PACRG: variants seen among roughly 807,000 people sequenced by gnomAD.
The protein encoded by PACRG is parkin coregulated.
PACRG carries 29 observed loss-of-function variants against 29.7 expected under a neutral mutation model. The observed-to-expected ratio is 0.98, with a 90% CI of 0.73 to 1.33. The LOEUF (loss-of-function observed/expected upper bound fraction) is 1.33. PACRG is among the 40% of genes most tolerant of loss of function. The pLI is 0.00. For missense variants in PACRG, 279 were observed against 316.2 expected (o/e 0.88, Z 0.89); for synonymous variants, 116 against 118.7 (o/e 0.98, Z 0.15).
intron 4 of PACRG, 149 bp from the exon 5 acceptor site, chr6:163,314,678 C>T: frequency 2.6e-6 from 2 of 782,866 alleles, no homozygotes; most frequent in Non-Finnish European, 1.9e-6. Flanking sequence ...GTACAGTTGC[C>T]ACTGCTTTTA....
intron 4 of PACRG, among the ~76,000 whole-genome samples, chr6:163,267,167 G>A (rs562709163): frequency 1.3e-4 from 20 of 152,278 alleles, no homozygotes; most frequent in Admixed American, 7.8e-4. Flanking sequence ...TCTGCCACTC[G>A]TTGGTGCTGG....
chr6:162,823,542 T>A (rs1430632900), intron 2 of PACRG, among the ~76,000 whole-genome samples: 1 of 151,398 alleles, frequency 6.6e-6, no homozygotes, highest in Non-Finnish European at 1.5e-5. Context: ...GACAGAGTCT[T>A]GCTCTGTTGC....
At chr6:162,949,173 T>TA in intron 2 of PACRG, among the ~76,000 whole-genome samples, 1 of 152,228 alleles carries the variant, frequency 6.6e-6, no homozygotes, top group Non-Finnish European at 1.5e-5. Flanking sequence ...TATTCAGCCT[T>TA]AAAAAAATTG....
chr6:163,120,410 C>T (rs1013045442), intron 4 of PACRG, among the ~76,000 whole-genome samples: 4 of 152,110 alleles, frequency 2.6e-5, no homozygotes, highest in African/African-American at 9.7e-5. Flanking sequence ...GAAATGCCCA[C>T]CTTTAGGGGC....
intron 4 of PACRG, among the ~76,000 whole-genome samples, chr6:163,277,920 C>T (rs1317388958): frequency 1.3e-5 from 2 of 152,054 alleles, no homozygotes; most frequent in African/African-American, 2.4e-5. Context: ...ACACTATTTT[C>T]CTTAGTGGTT....
At chr6:163,017,889 C>T (rs1236741702) in intron 2 of PACRG, among the ~76,000 whole-genome samples, 1 of 151,994 alleles carries the variant, frequency 6.6e-6, no homozygotes, top group African/African-American at 2.4e-5. Context: ...CTATTTGCCT[C>T]TCCATTTTTA....
chr6:162,958,754 G>A (rs574841613), intron 2 of PACRG, among the ~76,000 whole-genome samples: 131 of 147,912 alleles, frequency 8.9e-4, no homozygotes, highest in Admixed American at 1.9e-3. Context: ...GTGTGTGTGT[G>A]TATATATATA....
At chr6:162,915,626 C>T (rs796390570) in intron 2 of PACRG, among the ~76,000 whole-genome samples, 2 of 152,128 alleles carry the variant, frequency 1.3e-5, no homozygotes, top group African/African-American at 4.8e-5. Context: ...CTCTTTCCTG[C>T]CTTTTTAGGA....
At chr6:163,207,521 C>T (rs1780957237) in intron 4 of PACRG, among the ~76,000 whole-genome samples, 1 of 152,176 alleles carries the variant, frequency 6.6e-6, no homozygotes, top group African/African-American at 2.4e-5. Context: ...ATTCAACTCC[C>T]TACGGTTTAG....
chr6:163,277,607 GTCTATATATGT>G (rs1272172604), intron 4 of PACRG, among the ~76,000 whole-genome samples: 1,625 of 146,848 alleles, frequency 0.011, 34 homozygotes, highest in African/African-American at 0.039. Flanking sequence ...TACATACTTT[GTCTATATATGT>G]ATACATATAT....
chr6:162,996,632 A>T (rs1156998319), intron 2 of PACRG, among the ~76,000 whole-genome samples: 1 of 152,318 alleles, frequency 6.6e-6, no homozygotes, highest in South Asian at 2.1e-4. Context: ...TGAAGTACTC[A>T]TGCCAAATTT....
At chr6:163,241,822 A>AG (rs1299602571) in intron 4 of PACRG, among the ~76,000 whole-genome samples, 1 of 152,134 alleles carries the variant, frequency 6.6e-6, no homozygotes, top group Admixed American at 6.5e-5. Context: ...GTAAACCCAA[A>AG]GGGGGGGCAC....
At chr6:163,306,673 T>C (rs1220758326) in intron 4 of PACRG, among the ~76,000 whole-genome samples, 1 of 152,222 alleles carries the variant, frequency 6.6e-6, no homozygotes, top group Non-Finnish European at 1.5e-5. Flanking sequence ...ATATAAACAT[T>C]TGGTCTTTTC....
At chr6:163,215,302 A>G (rs542260671) in intron 4 of PACRG, among the ~76,000 whole-genome samples, 1 of 152,370 alleles carries the variant, frequency 6.6e-6, no homozygotes, top group South Asian at 2.1e-4. Context: ...TTAAATAGAG[A>G]AATATCATTC....
chr6:163,060,935 A>C (rs1237006789), intron 2 of PACRG: 1 of 149,610 alleles, frequency 6.7e-6, no homozygotes, highest in Non-Finnish European at 1.5e-5. Flanking sequence ...ATATATATTA[A>C]TATATATATA....
At chr6:162,927,584 T>C (rs1797537796) in intron 2 of PACRG, among the ~76,000 whole-genome samples, 1 of 152,064 alleles carries the variant, frequency 6.6e-6, no homozygotes. Context: ...TTCTCACTCA[T>C]GAGTCGGAGC....
Position 162,853,595 on chromosome 6 carries a change from C to T in PACRG, c.291+39314C>T, listed in dbSNP as rs2128429192. Among the ~76,000 whole-genome samples, 1 of 152,258 alleles carries T rather than the reference C, an allele frequency of 6.6e-6. No individual in the cohort carries two copies. The highest frequency in any genetic ancestry group is 2.1e-4 in the South Asian group (1 of 4,818). ...CAGAAAACCAAATACCACATGTTCT[C>T]CCTTATAAGTGGGAGCTAAATGATA... On this transcript the variant is annotated intron_variant, in intron 2 of 4. Transcript: ENST00000366888. The surrounding 1 kb of genome is among the most constrained non-coding windows in gnomAD (Gnocchi z 4.7).
intron 2 of PACRG, 129 bp downstream of exon 2, chr6:162,814,410 G>A: frequency 1.6e-6 from 2 of 1,226,752 alleles, no homozygotes; most frequent in Non-Finnish European, 2.2e-6. Context: ...TGGTGGGAAA[G>A]CTCTTAGAGA....
chr6:162,809,245 G>A (rs185380701), intron 1 of PACRG, among the ~76,000 whole-genome samples: 311 of 151,872 alleles, frequency 2.0e-3, no homozygotes, highest in African/African-American at 7.3e-3. Flanking sequence ...TACAAGTTCC[G>A]GCTTTTGAGA....
Sources: gnomAD v4.1 joint callset for allele counts (sites outside exome capture counted in the v4.1 genomes callset) on GRCh38, gnomAD v4.1.1 for gene constraint, Gnocchi (gnomAD v3.1) non-coding constraint, MANE v1.5 for transcripts, NCBI Gene and HGNC (gene_info 2026-07-23, HGNC 2026-07-21) for gene names.